The following POMT2 variants were observed in gnomAD, a reference collection of about 807,000 sequenced individuals.
The protein encoded by POMT2 is protein O-mannosyltransferase 2, also known as protein O-mannosyl-transferase 2.
POMT2 carries 75 observed loss-of-function variants against 100.0 expected under a neutral mutation model. The ratio of observed to expected loss-of-function variants is 0.75; its 90% CI spans 0.62 to 0.91. POMT2 has a LOEUF of 0.91. Ranked by LOEUF, POMT2 falls within the 40% of genes least tolerant of loss-of-function variation. POMT2 has a pLI of 0.00. For missense variants in POMT2, 940 were observed against 955.1 expected, an observed-to-expected ratio of 0.98 and a Z score of 0.21; for synonymous variants, 378 against 374.1, an observed-to-expected ratio of 1.01 and a Z score of -0.12.
chr14:77,281,375 A>C (rs1467005608), intron 15 of POMT2, among the ~76,000 whole-genome samples: 2 of 152,200 alleles, frequency 1.3e-5, no homozygotes, highest in Non-Finnish European at 2.9e-5. Context: ...ATAAAAAATT[A>C]GATATTTTGC....
intron 8 of POMT2, 80 bp downstream of exon 8, chr14:77,298,609 C>A: frequency 1.4e-6 from 2 of 1,471,070 alleles, no homozygotes; most frequent in Non-Finnish European, 1.9e-6. Flanking sequence ...TAACCCAAAG[C>A]CATCATATTT....
intron 1 of POMT2, among the ~76,000 whole-genome samples, chr14:77,316,333 G>C (rs1366425803): frequency 3.3e-5 from 5 of 152,156 alleles, no homozygotes; most frequent in African/African-American, 1.2e-4. Flanking sequence ...AGCTATTCAG[G>C]AGGCTGAGGC....
intron 14 of POMT2, 110 bp downstream of exon 14, chr14:77,284,840 C>G (rs1890360810): frequency 1.1e-6 from 1 of 936,410 alleles, no homozygotes. Flanking sequence ...AAGGAACAAA[C>G]AGCAGCAAGT....
intron 4 of POMT2, among the ~76,000 whole-genome samples, chr14:77,303,323 C>G (rs1046240742): frequency 4.6e-5 from 7 of 152,172 alleles, no homozygotes; most frequent in Non-Finnish European, 8.8e-5. Context: ...TATCATTTTA[C>G]ATGAAGTCTC....
chr14:77,312,834 T>C (rs1178745232), intron 1 of POMT2, among the ~76,000 whole-genome samples: 1 of 152,224 alleles, frequency 6.6e-6, no homozygotes. Flanking sequence ...CACAGGAGTC[T>C]CATTTTGCTC....
intron 20 of POMT2, 93 bp downstream of exon 20, chr14:77,278,301 G>A: frequency 9.1e-7 from 1 of 1,093,060 alleles, no homozygotes; most frequent in Non-Finnish European, 1.4e-6. Flanking sequence ...CACTGGTGGT[G>A]TTAAAAGCAC....
intron 10 of POMT2, among the ~76,000 whole-genome samples, chr14:77,289,497 G>T (rs1335533599): frequency 6.6e-6 from 1 of 152,204 alleles, no homozygotes; most frequent in African/African-American, 2.4e-5. Flanking sequence ...CTATGAACGA[G>T]TGTGGCCAGA....
In POMT2 at chr14:77,302,781, T is replaced by A. The variant is rs182413979; in HGVS notation, c.656+54A>T. 5.1e-5 allele frequency: 75 copies of A among 1,481,046 alleles called. No individual in the cohort carries two copies. The African/African-American group carries it at 8.8e-4, about 17-fold the overall frequency. The allele number at this position is 1,481,046 out of a possible 1,614,324, so 91.7% of individuals were successfully genotyped here. On this transcript the variant is annotated intron_variant, in intron 5 of 20. Transcript: ENST00000261534. ...GCCCTGGCCCTGGCCATTACAGAAA[T>A]TTTGGAGTTGCCACAGCTTCCAACC...
intron 12 of POMT2, 99 bp from the exon 13 acceptor site, chr14:77,285,731 G>A (rs1594890230): frequency 7.2e-7 from 1 of 1,394,952 alleles, no homozygotes; most frequent in East Asian, 2.3e-5. Flanking sequence ...ACCATGTTAT[G>A]AAGGTCAAAG....
chr14:77,284,593 G>T (rs989700716), intron 14 of POMT2, among the ~76,000 whole-genome samples: 1 of 152,150 alleles, frequency 6.6e-6, no homozygotes, highest in Non-Finnish European at 1.5e-5. Flanking sequence ...TATGTGGGGG[G>T]GCGGGGGAGC....
In POMT2 at chr14:77,296,144, T is replaced by G. The variant is rs373795135; in HGVS notation, c.1116+20A>C. 6.4e-7 allele frequency: 1 copy of G among 1,559,972 alleles called. No homozygotes were observed. Among genetic ancestry groups the G allele is most frequent in the African/African-American group, 1.3e-5 (1 of 74,210 alleles). On this transcript the variant is annotated intron_variant, in intron 9 of 20. Transcript: ENST00000261534. ...GCGAACAGCATTGCTGCCGTACAAG[T>G]GCACAAAAGGCTCACTGACCTGCTG...
intron 2 of POMT2, among the ~76,000 whole-genome samples, chr14:77,309,585 C>T (rs1891364515): frequency 6.6e-6 from 1 of 152,184 alleles, no homozygotes; most frequent in Admixed American, 6.5e-5. Flanking sequence ...AGATGGGCCG[C>T]ATTCCCTGAG....
At chr14:77,298,217 C>T (rs1055719190) in intron 8 of POMT2, among the ~76,000 whole-genome samples, 9 of 152,222 alleles carry the variant, frequency 5.9e-5, no homozygotes, top group African/African-American at 2.2e-4. Flanking sequence ...TCCTTCACGC[C>T]TGTCAATCCC....
chr14:77,313,649 T>C (rs1234851594), intron 1 of POMT2, among the ~76,000 whole-genome samples: 1 of 152,238 alleles, frequency 6.6e-6, no homozygotes, highest in African/African-American at 2.4e-5. Context: ...TTTTTAAATC[T>C]GTTTGGGAAC....
intron 1 of POMT2, 88 bp from the exon 2 acceptor site, chr14:77,312,121 C>G: frequency 1.3e-6 from 2 of 1,527,076 alleles, no homozygotes; most frequent in Non-Finnish European, 1.8e-6. Context: ...AAATTAAAGG[C>G]TATGCATTTC....
intron 9 of POMT2, among the ~76,000 whole-genome samples, chr14:77,292,394 G>A (rs1242651474): frequency 1.3e-5 from 2 of 152,156 alleles, no homozygotes. Context: ...CATTATTACA[G>A]CTCTATGCCA....
intron 9 of POMT2, among the ~76,000 whole-genome samples, chr14:77,294,515 G>T (rs938753579): frequency 5.3e-5 from 8 of 152,252 alleles, no homozygotes; most frequent in Non-Finnish European, 8.8e-5. Flanking sequence ...GTAGAGATGG[G>T]GTTTCACCAT....
intron 9 of POMT2, among the ~76,000 whole-genome samples, chr14:77,295,588 C>T (rs921846750): frequency 3.4e-5 from 5 of 145,362 alleles, no homozygotes; most frequent in African/African-American, 1.3e-4. Context: ...GCTGAGATCA[C>T]GCCACTGCAC....
intron 20 of POMT2, 142 bp from the exon 21 acceptor site, chr14:77,277,623 G>C (rs1184749502): frequency 1.4e-6 from 1 of 734,844 alleles, no homozygotes; most frequent in African/African-American, 1.7e-5. Flanking sequence ...GTCTGTCTGA[G>C]TCCCACTGGG....
Sources: gnomAD v4.1 joint callset for allele counts (sites outside exome capture counted in the v4.1 genomes callset) on GRCh38, gnomAD v4.1.1 for gene constraint, MANE v1.5 for transcripts, NCBI Gene and HGNC (gene_info 2026-07-23, HGNC 2026-07-21) for gene names.